Variants in ULK4 observed in about 807,000 individuals in gnomAD.
The protein encoded by ULK4 is inactive serine/threonine-protein kinase ULK4.
In ULK4, 133 loss-of-function variants were observed where a neutral mutation model predicts 160.6. That is an observed-to-expected ratio of 0.83 (90% confidence interval 0.72 to 0.96). ULK4 has a LOEUF of 0.96. ULK4 is among the 40% of genes least tolerant of loss of function. The pLI is 0.00. For synonymous variants in ULK4, 534 were observed against 539.8 expected (o/e 0.99, Z 0.15); for missense variants, 1,580 against 1,499.5 (o/e 1.05, Z -0.89).
chr3:41,701,412 C>G (rs1419613178), intron 27 of ULK4, among the ~76,000 whole-genome samples: 3 of 152,114 alleles, frequency 2.0e-5, no homozygotes, highest in African/African-American at 4.8e-5. Flanking sequence ...GGCAACAATT[C>G]AGAACATAAG....
chr3:41,843,346 T>G (rs978715856), intron 17 of ULK4, among the ~76,000 whole-genome samples: 5 of 152,156 alleles, frequency 3.3e-5, no homozygotes, highest in Non-Finnish European at 5.9e-5. Context: ...ACTCATACTG[T>G]GTCCGGAATT....
chr3:41,646,600 A>G (rs1439007416), intron 30 of ULK4, among the ~76,000 whole-genome samples: 1 of 152,138 alleles, frequency 6.6e-6, no homozygotes, highest in South Asian at 2.1e-4. Context: ...GGGTAACCCG[A>G]CCTTTCTCTA....
chr3:41,932,156 C>A, intron 4 of ULK4, 150 bp from the exon 5 acceptor site: 3 of 666,690 alleles, frequency 4.5e-6, no homozygotes, highest in East Asian at 3.0e-5. Context: ...TTTTTAAAAG[C>A]TAAAGAAAAA....
chr3:41,803,482 T>TA lies in ULK4; in HGVS notation c.1849-3190_1849-3189insT, dbSNP rs2040532487. 5.3e-5 allele frequency among the ~76,000 whole-genome samples: 8 copies of TA among 152,174 alleles called. No homozygotes were observed. In the East Asian group the frequency reaches 5.8e-4, roughly 11 times the overall value. On this transcript the variant is annotated intron_variant, in intron 19 of 36. Transcript: ENST00000301831. ...ACGTTGCAGTAGGCAAAGCTTTCTT[T>TA]TTTATTATTATTATTATTATACTTT...
intron 18 of ULK4, among the ~76,000 whole-genome samples, chr3:41,822,655 G>C (rs1390593576): frequency 6.7e-6 from 1 of 150,368 alleles, no homozygotes; most frequent in Non-Finnish European, 1.5e-5. Flanking sequence ...CTGAGCTCAG[G>C]TGATCCACCC....
intron 19 of ULK4, among the ~76,000 whole-genome samples, chr3:41,814,992 T>C (rs1268460869): frequency 2.1e-5 from 3 of 145,714 alleles, no homozygotes; most frequent in Non-Finnish European, 3.0e-5. Flanking sequence ...CACTGCAACC[T>C]CTGCCTCCCA....
chr3:41,511,410 GAA>G (rs1160300432), intron 32 of ULK4, among the ~76,000 whole-genome samples: 1 of 152,002 alleles, frequency 6.6e-6, no homozygotes, highest in Non-Finnish European at 1.5e-5. Context: ...ACCAAGAAAA[GAA>G]GAGAGAAAAT....
chr3:41,741,699 G>T (rs1432122363), intron 22 of ULK4, among the ~76,000 whole-genome samples: 1 of 151,866 alleles, frequency 6.6e-6, no homozygotes, highest in Non-Finnish European at 1.5e-5. Flanking sequence ...ATTTCCTCAA[G>T]CAGTATTTAA....
chr3:41,384,233 G>A (rs1006126685), intron 35 of ULK4, among the ~76,000 whole-genome samples: 3 of 151,874 alleles, frequency 2.0e-5, no homozygotes, highest in East Asian at 1.9e-4. Flanking sequence ...AAAATATCAC[G>A]AGGAAACAAT....
At chr3:41,909,377 T>C (rs1025078782) in intron 11 of ULK4, among the ~76,000 whole-genome samples, 1 of 152,086 alleles carries the variant, frequency 6.6e-6, no homozygotes, top group African/African-American at 2.4e-5. Context: ...AAATACAATA[T>C]ACCAGAAAAT....
chr3:41,781,617 A>G (rs1345023990), intron 21 of ULK4, among the ~76,000 whole-genome samples: 3 of 152,214 alleles, frequency 2.0e-5, no homozygotes, highest in Non-Finnish European at 4.4e-5. Flanking sequence ...AGGAATGTAT[A>G]TAAATGAAGT....
chr3:41,950,936 A>G (rs1700271623), intron 2 of ULK4, among the ~76,000 whole-genome samples: 1 of 151,652 alleles, frequency 6.6e-6, no homozygotes, highest in Non-Finnish European at 1.5e-5. Flanking sequence ...CGAGGTCAGG[A>G]GATGGAGACC....
chr3:41,585,945 A>T (rs925322996), intron 31 of ULK4, among the ~76,000 whole-genome samples: 5 of 152,214 alleles, frequency 3.3e-5, no homozygotes, highest in African/African-American at 1.2e-4. Flanking sequence ...ATGCAAATCA[A>T]AACCGCAATG....
At position 41,605,158 on chromosome 3, in the gene ULK4, T is replaced by TA. The variant is rs777250739; in HGVS notation, c.3120+10510dup. 1.7e-4 allele frequency among the ~76,000 whole-genome samples: 25 copies of TA among 150,358 alleles called. 1 individual carries two copies. The highest frequency in any genetic ancestry group is 4.6e-4 in the African/African-American group (19 of 40,944). ...ATATATCATAAACTATACCAACCAT[T>TA]AAAAAAAATACTTAACTGAGCCAAA... On this transcript the variant is annotated intron_variant, in intron 31 of 36. Coordinates refer to ENST00000301831, the MANE Select transcript of ULK4 (RefSeq NM_017886.4).
chr3:41,750,972 AAGAG>A (rs1370364164), intron 22 of ULK4, among the ~76,000 whole-genome samples: 10 of 136,046 alleles, frequency 7.4e-5, no homozygotes, highest in East Asian at 2.3e-4. Flanking sequence ...AAAAAAAAAA[AAGAG>A]AGAGAGAGAA....
At chr3:41,503,648 T>A (rs2085283854) in intron 32 of ULK4, among the ~76,000 whole-genome samples, 1 of 152,204 alleles carries the variant, frequency 6.6e-6, no homozygotes, top group Admixed American at 6.5e-5. Context: ...AATAATGATG[T>A]CTTTTTATAT....
intron 2 of ULK4, among the ~76,000 whole-genome samples, chr3:41,938,631 G>A (rs149285286): frequency 6.6e-6 from 1 of 152,176 alleles, no homozygotes; most frequent in South Asian, 2.1e-4. Context: ...GCAGGGTGCT[G>A]AGACTGCGCC....
At chr3:41,659,373 A>G (rs1354916389) in intron 30 of ULK4, among the ~76,000 whole-genome samples, 2 of 152,360 alleles carry the variant, frequency 1.3e-5, no homozygotes, top group African/African-American at 4.8e-5. Context: ...ATGGAAAGCC[A>G]AGAGAAGAGG....
intron 30 of ULK4, among the ~76,000 whole-genome samples, chr3:41,650,172 T>C (rs1045656491): frequency 6.6e-6 from 1 of 152,160 alleles, no homozygotes; most frequent in Non-Finnish European, 1.5e-5. Context: ...TGTCACTCAG[T>C]GAAGCTCCTC....
Sources: allele counts gnomAD v4.1 joint callset (sites outside exome capture counted in the v4.1 genomes callset), GRCh38; gene constraint gnomAD v4.1.1; transcripts MANE v1.5; gene names NCBI Gene and HGNC (gene_info 2026-07-23, HGNC 2026-07-21).